Variants in SNTB1 observed in about 807,000 individuals in gnomAD.
SNTB1 encodes the protein beta-1-syntrophin.
SNTB1 carries 36 observed loss-of-function variants against 48.9 expected under a neutral mutation model. The ratio of observed to expected loss-of-function variants is 0.74; its 90% CI spans 0.56 to 0.97. The LOEUF (loss-of-function observed/expected upper bound fraction) is 0.97. Among genes scored for constraint, SNTB1 ranks in the 50% least tolerant of loss-of-function variants. SNTB1 has a pLI of 0.00. For missense variants in SNTB1, 786 were observed against 703.4 expected (o/e 1.12, Z -1.33); for synonymous variants, 299 against 294.6 (o/e 1.01, Z -0.15).
intron 1 of SNTB1, among the ~76,000 whole-genome samples, chr8:120,735,559 G>A (rs1254804086): frequency 1.3e-5 from 2 of 152,070 alleles, no homozygotes; most frequent in African/African-American, 2.4e-5. Context: ...AGTGTTATTA[G>A]GACACACATA....
At chr8:120,548,614 C>T in intron 5 of SNTB1, 148 bp downstream of exon 5, 2 of 677,932 alleles carry the variant, frequency 3.0e-6, no homozygotes, top group Non-Finnish European at 5.0e-6. Context: ...AGGGTATAGA[C>T]CTCCTTAATT....
At position 120,811,369 on chromosome 8, in the gene SNTB1, C is replaced by T. The variant is rs753118124; in HGVS notation, c.475G>A (p.Ala159Thr). 6.2e-7 allele frequency: 1 copy of T among 1,613,594 alleles called. No homozygotes were observed. The highest frequency in any genetic ancestry group is 1.3e-5 in the African/African-American group (1 of 74,942). Residue 159 changes from alanine (A) to threonine (T), a missense_variant, in exon 1 of 7, where the codon GCC becomes ACC. By Grantham distance (58) the Ala-to-Thr change is moderately conservative (BLOSUM62 0). Coordinates refer to ENST00000517992, the MANE Select transcript of SNTB1 (RefSeq NM_021021.4). ...DQTQALYVGD[A>T]ILSVNGADLR... ...TCGGCTCCGTTCACGGACAGGATGGCGTCGCCCACGTACAGGGCTTGGGTC... is the reference window on the plus strand; with the variant it reads ...TCGGCTCCGTTCACGGACAGGATGGTGTCGCCCACGTACAGGGCTTGGGTC...
intron 1 of SNTB1, among the ~76,000 whole-genome samples, chr8:120,807,966 G>A (rs1820363376): frequency 6.6e-6 from 1 of 151,954 alleles, no homozygotes; most frequent in Non-Finnish European, 1.5e-5. Flanking sequence ...CCAGGCTGGA[G>A]TGCAATGGCA....
intron 1 of SNTB1, among the ~76,000 whole-genome samples, chr8:120,760,492 C>T (rs941433161): frequency 6.6e-6 from 1 of 152,004 alleles, no homozygotes; most frequent in Non-Finnish European, 1.5e-5. Context: ...TACTGGAGAC[C>T]GAGCCTGGCC....
intron 3 of SNTB1, among the ~76,000 whole-genome samples, chr8:120,613,165 C>T (rs1333715642): frequency 1.3e-5 from 2 of 152,018 alleles, no homozygotes; most frequent in Admixed American, 6.6e-5. Context: ...GCCTGGCCAA[C>T]ATGGTGAAAC....
chr8:120,605,335 A>C (rs1816495980), intron 3 of SNTB1, among the ~76,000 whole-genome samples: 1 of 151,282 alleles, frequency 6.6e-6, no homozygotes, highest in African/African-American at 2.5e-5. Context: ...AGGAGGTTTT[A>C]CTTACTCCAT....
intron 1 of SNTB1, among the ~76,000 whole-genome samples, chr8:120,784,296 C>T (rs1049566030): frequency 1.3e-5 from 2 of 148,664 alleles, no homozygotes; most frequent in African/African-American, 5.1e-5. Flanking sequence ...GCCCAGCCTG[C>T]ACCATTTTTT....
At chr8:120,665,665 G>A (rs1304594185) in intron 2 of SNTB1, among the ~76,000 whole-genome samples, 2 of 151,940 alleles carry the variant, frequency 1.3e-5, no homozygotes, top group Non-Finnish European at 2.9e-5. Flanking sequence ...ATTCAAAAAT[G>A]TTTTGTTTTC....
chr8:120,737,048 C>T lies in SNTB1; in HGVS notation c.572-43140G>A, dbSNP rs115150322. ...AACGTGATATATTAGCATGATGGAG[C>T]GGCAGTCCAAGTGATAGATCCATCT... is the stretch of plus-strand genomic sequence containing the variant. On this transcript the variant is annotated intron_variant, in intron 1 of 6. Coordinates refer to ENST00000517992, the MANE Select transcript of SNTB1 (RefSeq NM_021021.4). Among the ~76,000 whole-genome samples, 171 of 152,258 alleles carry T rather than the reference C, an allele frequency of 1.1e-3. 2 individuals carry two copies. Among genetic ancestry groups the T allele is most frequent in the African/African-American group, 3.7e-3 (154 of 41,542 alleles).
At chr8:120,660,498 T>C (rs1041069081) in intron 2 of SNTB1, among the ~76,000 whole-genome samples, 26 of 152,246 alleles carry the variant, frequency 1.7e-4, no homozygotes, top group Non-Finnish European at 3.1e-4. Context: ...AGTTAGGGCC[T>C]TGCTCTGGAT....
intron 1 of SNTB1, among the ~76,000 whole-genome samples, chr8:120,742,768 G>A (rs555329655): frequency 1.9e-4 from 29 of 152,092 alleles, no homozygotes; most frequent in Non-Finnish European, 3.7e-4. Flanking sequence ...TTTAGATAGG[G>A]AACTTTACAC....
intron 3 of SNTB1, among the ~76,000 whole-genome samples, chr8:120,612,696 G>C (rs573739303): frequency 4.3e-4 from 66 of 152,118 alleles, no homozygotes; most frequent in Non-Finnish European, 8.4e-4. Context: ...TGGGATTACA[G>C]GTGCACACCA....
At chr8:120,696,398 T>C (rs892241234) in intron 1 of SNTB1, among the ~76,000 whole-genome samples, 3 of 152,164 alleles carry the variant, frequency 2.0e-5, no homozygotes, top group African/African-American at 7.2e-5. Flanking sequence ...ATAGAAAAGG[T>C]AAGTCAGGTC....
chr8:120,584,305 G>C (rs997388848), intron 3 of SNTB1, among the ~76,000 whole-genome samples: 33 of 151,918 alleles, frequency 2.2e-4, no homozygotes, highest in African/African-American at 7.3e-4. Context: ...AGTTGGGCCT[G>C]GTGGTGGGTG....
intron 5 of SNTB1, among the ~76,000 whole-genome samples, chr8:120,542,413 G>T (rs1215977798): frequency 6.6e-6 from 1 of 152,296 alleles, no homozygotes; most frequent in East Asian, 1.9e-4. Context: ...CCCAGCTTTT[G>T]GAGGCTGAGG....
intron 1 of SNTB1, among the ~76,000 whole-genome samples, chr8:120,805,601 A>C (rs1420711622): frequency 2.0e-5 from 3 of 152,218 alleles, no homozygotes; most frequent in African/African-American, 7.2e-5. Context: ...AAGGAATAAA[A>C]CTTTGTTGAT....
intron 3 of SNTB1, among the ~76,000 whole-genome samples, chr8:120,628,431 T>C (rs532899838): frequency 6.6e-6 from 1 of 152,334 alleles, no homozygotes; most frequent in South Asian, 2.1e-4. Context: ...ATGGGTCATC[T>C]TGGGCCAGAT....
chr8:120,653,775 C>A (rs7822135), intron 2 of SNTB1, among the ~76,000 whole-genome samples: 29,081 of 151,868 alleles, frequency 0.19, 3,486 homozygotes, highest in East Asian at 0.39. Context: ...TGCTGTGGCT[C>A]ACGCCTGTAA....
At chr8:120,693,997 GGA>G in intron 1 of SNTB1, 89 bp from the exon 2 acceptor site, 1 of 1,028,032 alleles carries the variant, frequency 9.7e-7, no homozygotes, top group Non-Finnish European at 1.5e-6. Flanking sequence ...GACTTGCTTT[GGA>G]TAAGCTCTTA....
Sources: allele counts gnomAD v4.1 joint callset (sites outside exome capture counted in the v4.1 genomes callset), GRCh38; gene constraint gnomAD v4.1.1; transcripts MANE v1.5; gene names NCBI Gene and HGNC (gene_info 2026-07-23, HGNC 2026-07-21).